ZNF146: variants seen among roughly 807,000 people sequenced by gnomAD.
ZNF146 encodes zinc finger protein 146.
ZNF146 carries 9 observed loss-of-function variants against 22.2 expected under a neutral mutation model. The ratio of observed to expected loss-of-function variants is 0.41; its 90% CI spans 0.24 to 0.71. The LOEUF is 0.71. ZNF146 is among the 30% of genes least tolerant of loss of function. ZNF146 has a pLI of 0.34. For missense variants in ZNF146, 194 were observed against 344.8 expected, an observed-to-expected ratio of 0.56 and a Z score of 3.46; for synonymous variants, 108 against 119.2, an observed-to-expected ratio of 0.91 and a Z score of 0.61.
intron 1 of ZNF146, among the ~76,000 whole-genome samples, 188 bp downstream of exon 1, chr19:36,215,384 G>A (rs888952973): frequency 2.0e-5 from 3 of 152,118 alleles, no homozygotes; most frequent in African/African-American, 7.2e-5. Flanking sequence ...AGTTTGACCT[G>A]ATGTTTGGGA....
chr19:36,225,232 G>T (rs1977016187), intron 2 of ZNF146, among the ~76,000 whole-genome samples: 1 of 152,154 alleles, frequency 6.6e-6, no homozygotes, highest in Non-Finnish European at 1.5e-5. Context: ...TAGCCAAGGT[G>T]CAACAACCAG....
intron 3 of ZNF146, among the ~76,000 whole-genome samples, chr19:36,231,179 A>G (rs1977348524): frequency 6.6e-6 from 1 of 152,132 alleles, no homozygotes; most frequent in African/African-American, 2.4e-5. Flanking sequence ...CCTGACCAAC[A>G]TGGAGAAACC....
At chr19:36,230,943 A>G (rs1000251289) in intron 3 of ZNF146, among the ~76,000 whole-genome samples, 1 of 152,188 alleles carries the variant, frequency 6.6e-6, no homozygotes, top group African/African-American at 2.4e-5. Context: ...CTGGGATTAC[A>G]GGCACCTGCC....
chr19:36,235,068 G>A (rs2972541), intron 3 of ZNF146, among the ~76,000 whole-genome samples: 1 of 151,946 alleles, frequency 6.6e-6, no homozygotes, highest in Non-Finnish European at 1.5e-5. Flanking sequence ...ATTTAGCCAG[G>A]TATGGTGGTG....
At chr19:36,217,714 G>A (rs931734551) in intron 1 of ZNF146, among the ~76,000 whole-genome samples, 2 of 151,628 alleles carry the variant, frequency 1.3e-5, no homozygotes, top group African/African-American at 2.4e-5. Context: ...GAGAAACCCC[G>A]TCTCTACTAA....
intron 2 of ZNF146, among the ~76,000 whole-genome samples, chr19:36,227,391 A>G (rs980902018): frequency 1.1e-5 from 1 of 88,166 alleles, no homozygotes. Context: ...CTCTGTCACA[A>G]AAAAAAAAAA....
chr19:36,236,778 C>G lies in ZNF146; in HGVS notation c.338C>G (p.Ser113Ter). 1 of 1,614,104 alleles carries G rather than the reference C, an allele frequency of 6.2e-7. No individual in the cohort carries two copies. Among genetic ancestry groups the G allele is most frequent in the Non-Finnish European group, 8.5e-7 (1 of 1,180,010 alleles). ...TGCGGGAAAGCTTTCATTCAGAAGT[C>G]AAACCTCATCAGACACCAGAGAACT... ...KDCGKAFIQK[S>*]NLIRHQRTHT... The change falls in exon 4 of 4, where the codon TCA becomes TGA. Residue 113 changes from serine (S) to a stop codon, truncating the protein, a stop_gained. Coordinates refer to ENST00000443387, the MANE Select transcript of ZNF146 (RefSeq NM_007145.3). LOFTEE classifies it high-confidence loss of function.
chr19:36,229,030 T>C (rs1977203531), intron 3 of ZNF146, among the ~76,000 whole-genome samples: 2 of 152,260 alleles, frequency 1.3e-5, no homozygotes, highest in African/African-American at 4.8e-5. Flanking sequence ...GCGCCCCTCC[T>C]GTTGCTGTTC....
intron 3 of ZNF146, among the ~76,000 whole-genome samples, chr19:36,230,704 A>G (rs977241067): frequency 2.6e-5 from 4 of 152,178 alleles, no homozygotes; most frequent in African/African-American, 7.2e-5. Flanking sequence ...GCAAAAGGGA[A>G]TAAGAGTAGC....
chr19:36,236,556 C>A lies in ZNF146; in HGVS notation c.116C>A (p.Thr39Lys). 2 of 1,614,068 alleles carry A rather than the reference C, an allele frequency of 1.2e-6. No homozygotes were observed. Among genetic ancestry groups the A allele is most frequent in the Non-Finnish European group, 1.7e-6 (2 of 1,180,000 alleles). ...CTCACTGAGCATGAGCATTTTCACA[C>A]GAGAGAGAAACCTTTTGAATGTAAC... Reference protein sequence around the residue: ...SNLTEHEHFHTREKPFECNEC... With the variant: ...SNLTEHEHFHKREKPFECNEC... Residue 39 changes from threonine to lysine, a missense_variant, in exon 4 of 4, where the codon ACG (threonine) becomes AAG (lysine). Coordinates refer to ENST00000443387, the MANE Select transcript of ZNF146 (RefSeq NM_007145.3).
At chr19:36,225,555 G>T (rs1309619898) in intron 2 of ZNF146, among the ~76,000 whole-genome samples, 1 of 151,374 alleles carries the variant, frequency 6.6e-6, no homozygotes, top group East Asian at 1.9e-4. Flanking sequence ...GGCTCAAGCA[G>T]TCCTTTTGTC....
intron 2 of ZNF146, among the ~76,000 whole-genome samples, chr19:36,222,098 T>C (rs1976872708): frequency 6.6e-6 from 1 of 151,982 alleles, no homozygotes; most frequent in South Asian, 2.1e-4. Context: ...CCTGGCTTTT[T>C]TACTTTTTGT....
rs189514136 is a variant in ZNF146 at position 36,238,011 on chromosome 19, T to C, written c.*692T>C. 9 of 167,244 alleles carry C rather than the reference T, an allele frequency of 5.4e-5. No individual in the cohort carries two copies. The South Asian group carries it at 8.3e-4, about 15-fold the overall frequency. The allele number at this position is 167,244 out of a possible 1,614,324, so 10.4% of individuals were successfully genotyped here. A position where few individuals can be genotyped will look rare whatever the true frequency, so the allele number is the denominator to read the frequency against. Reference sequence around the variant, plus strand: ...GAGAAATACTTAGCGGTTCTACTTATGAGTATGAATGCTCAGGAAATACGC... The same window carrying C: ...GAGAAATACTTAGCGGTTCTACTTACGAGTATGAATGCTCAGGAAATACGC... On this transcript the variant is annotated 3_prime_UTR_variant, in exon 4 of 4. Coordinates refer to ENST00000443387, the MANE Select transcript of ZNF146 (RefSeq NM_007145.3).
chr19:36,237,159 A>G lies in ZNF146; in HGVS notation c.719A>G (p.Tyr240Cys). ...AGAAGCCATACAGGGGAGAAGCCCT[A>G]TGGTTGTAATGAATGTGGGAAAGCT... ...HVRSHTGEKP[Y>C]GCNECGKAFS... is the part of the protein sequence containing the mutation. Residue 240 changes from tyrosine (Y) to cysteine (C), a missense_variant, in exon 4 of 4, where the codon TAT (tyrosine) becomes TGT (cysteine). Physicochemically the swap from Tyr to Cys is radical, Grantham distance 194 (BLOSUM62 -2). Transcript: ENST00000443387. 6.2e-7 allele frequency: 1 copy of G among 1,614,174 alleles called. No homozygotes were observed. Among genetic ancestry groups the G allele is most frequent in the Non-Finnish European group, 8.5e-7 (1 of 1,180,010 alleles).
At chr19:36,227,644 T>C (rs946623186) in intron 2 of ZNF146, among the ~76,000 whole-genome samples, 1 of 152,148 alleles carries the variant, frequency 6.6e-6, no homozygotes, top group Non-Finnish European at 1.5e-5. Context: ...CATCTTGAAC[T>C]CCTGGGCTCA....
intron 3 of ZNF146, among the ~76,000 whole-genome samples, chr19:36,230,532 T>C (rs1410986663): frequency 6.6e-6 from 1 of 152,130 alleles, no homozygotes; most frequent in Non-Finnish European, 1.5e-5. Context: ...TCTCACTGAA[T>C]GCCATTTGAA....
At chr19:36,235,078 G>C (rs1977588621) in intron 3 of ZNF146, among the ~76,000 whole-genome samples, 1 of 151,844 alleles carries the variant, frequency 6.6e-6, no homozygotes, top group African/African-American at 2.4e-5. Context: ...GTATGGTGGT[G>C]CACACCTGTA....
At chr19:36,234,157 C>T (rs111248918) in intron 3 of ZNF146, among the ~76,000 whole-genome samples, 5 of 152,170 alleles carry the variant, frequency 3.3e-5, no homozygotes, top group Admixed American at 2.0e-4. Context: ...ATCCATTTAA[C>T]GCTGAGTTGA....
At chr19:36,225,391 C>T (rs1247661630) in intron 2 of ZNF146, among the ~76,000 whole-genome samples, 1 of 152,144 alleles carries the variant, frequency 6.6e-6, no homozygotes, top group Non-Finnish European at 1.5e-5. Context: ...TGTTTCTTTA[C>T]TCATTTCCTC....
Sources: gnomAD v4.1 joint callset for allele counts (sites outside exome capture counted in the v4.1 genomes callset) on GRCh38, gnomAD v4.1.1 for gene constraint, MANE v1.5 for transcripts, NCBI Gene and HGNC (gene_info 2026-07-23, HGNC 2026-07-21) for gene names.